The following PKD1 variants were observed in gnomAD, a reference collection of about 807,000 sequenced individuals.
PKD1 encodes polycystin-1.
Under a neutral mutation model 361.7 loss-of-function variants are expected in PKD1, and 81 were observed. The ratio of observed to expected loss-of-function variants is 0.22; its 90% CI spans 0.19 to 0.27. The LOEUF (loss-of-function observed/expected upper bound fraction) is 0.27, where lower values mean the gene tolerates loss of function less well. Among genes scored for constraint, PKD1 ranks in the 10% least tolerant of loss-of-function variants. PKD1 has a pLI of 1.00. For missense variants in PKD1, 6,399 were observed against 6,118.3 expected, an observed-to-expected ratio of 1.05 and a Z score of -1.53; for synonymous variants, 3,615 against 2,818.3, an observed-to-expected ratio of 1.28 and a Z score of -8.95.
In PKD1 at chr16:2,090,603, C is replaced by G. The variant is rs766156519; in HGVS notation, c.12139-13G>C. On this transcript the variant is annotated splice_polypyrimidine_tract_variant and intron_variant, in intron 44 of 45. Coordinates refer to ENST00000262304, the MANE Select transcript of PKD1 (RefSeq NM_001009944.3). ...AGGAAGACACGAGCTGCGGGGAAGG[C>G]GACACCAGTGAGGGCGTACAGCTGA... 1 of 1,607,706 alleles carries G rather than the reference C, an allele frequency of 6.2e-7. No homozygotes were observed. The highest frequency in any genetic ancestry group is 1.3e-5 in the African/African-American group (1 of 74,884).
chr16:2,122,202 G>A (rs529321597), intron 1 of PKD1, among the ~76,000 whole-genome samples: 48 of 152,366 alleles, frequency 3.2e-4, no homozygotes, highest in African/African-American at 1.1e-3. Flanking sequence ...GCCCTCACCT[G>A]GGCTGGGTGC....
In PKD1 at chr16:2,119,303, T is replaced by G. The variant is rs543559059; in HGVS notation, c.287+4A>C. ...GCATGCTGGCACGACTGGGGGACAC[T>G]CACAGCTCTGCCAGCGCCGAGAGGT... On this transcript the variant is annotated splice_donor_region_variant and intron_variant, in intron 2 of 45. Transcript: ENST00000262304. 1.4e-4 allele frequency: 170 copies of G among 1,186,358 alleles called. 1 individual carries two copies. The African/African-American group carries it at 2.3e-3, about 16-fold the overall frequency. The allele number at this position is 1,186,358 out of a possible 1,614,324, so 73.5% of individuals were successfully genotyped here. A position where few individuals can be genotyped will look rare whatever the true frequency, so the allele number is the denominator to read the frequency against.
rs747794812 is a variant in PKD1 at position 2,108,638 on chromosome 16, C to T, written c.6529G>A (p.Asp2177Asn). Reference sequence around the variant, plus strand: ...TACTCAGTCTGGTAGGTGACGCAGTCGCGCAGGTCAACGTGGGCCTCCAAG... The same window carrying T: ...TACTCAGTCTGGTAGGTGACGCAGTTGCGCAGGTCAACGTGGGCCTCCAAG... ...NYLEAHVDLR[D>N]CVTYQTEYRW... is the part of the protein sequence containing the mutation. The change falls in exon 15 of 46, where the codon GAC becomes AAC. Residue 2177 changes from aspartate to asparagine, a missense_variant. Physicochemically the swap from Asp to Asn is conservative, Grantham distance 23. Coordinates refer to ENST00000262304, the MANE Select transcript of PKD1 (RefSeq NM_001009944.3). 18 of 1,561,174 alleles carry T rather than the reference C, an allele frequency of 1.2e-5. No homozygotes were observed. The highest frequency in any genetic ancestry group is 1.1e-4 in the South Asian group (9 of 85,234).
chr16:2,109,503 C>T lies in PKD1; in HGVS notation c.5664G>A (p.Val1888=). The part of the protein sequence containing the change: ...TYNLTAEEPI[V]GLVLWASSKV... ...TGCTGCTGGCCCACAGCACCAGGCCCACGATGGGCTCCTCCGCCGTGAGGT... is the reference window on the plus strand; with the variant it reads ...TGCTGCTGGCCCACAGCACCAGGCCTACGATGGGCTCCTCCGCCGTGAGGT... Residue 1888 remains valine, a synonymous_variant, in exon 15 of 46, where the codon GTG becomes GTA. Transcript: ENST00000262304. 1.2e-6 allele frequency: 2 copies of T among 1,609,976 alleles called. No homozygotes were observed. The highest frequency in any genetic ancestry group is 2.7e-5 in the African/African-American group (2 of 74,976).
rs2369087 is a variant in PKD1 at position 2,106,379 on chromosome 16, C to A, written c.7489+19G>T. ...AGTCGGGGGATCCCGCTGCTCCCCC[C>A]ACGCAGGCCTGCACTCACCCGTGCA... On this transcript the variant is annotated intron_variant, in intron 18 of 45. Coordinates refer to ENST00000262304, the MANE Select transcript of PKD1 (RefSeq NM_001009944.3). The surrounding 1 kb of genome is among the most constrained non-coding windows in gnomAD (Gnocchi z 6.5). 4.4e-6 allele frequency: 7 copies of A among 1,593,744 alleles called. No individual in the cohort carries two copies. The Admixed American group carries it at 8.8e-5, about 20-fold the overall frequency.
chr16:2,096,934 C>T lies in PKD1; in HGVS notation c.10499+214G>A, dbSNP rs2091871885. 5 of 596,070 alleles carry T rather than the reference C, an allele frequency of 8.4e-6. No individual in the cohort carries two copies. The East Asian group carries it at 1.4e-4, about 17-fold the overall frequency. The allele number at this position is 596,070 out of a possible 1,614,324, so 36.9% of individuals were successfully genotyped here. On this transcript the variant is annotated intron_variant, in intron 34 of 45. Coordinates refer to ENST00000262304, the MANE Select transcript of PKD1 (RefSeq NM_001009944.3). ...TTCTGCTCCTACAAAGCCCCATGAG[C>T]CTGCTCCCTCCCTAGAGGGAAGGTT...
rs1370138954 is a variant in PKD1 at position 2,091,921 on chromosome 16, T to A, written c.11412-15A>T. ...AGGACCATGCCCTGCCGGAGAGGGG[T>A]GGCGTGGGTGCCGCACCCCAGCCCT... On this transcript the variant is annotated splice_polypyrimidine_tract_variant and intron_variant, in intron 40 of 45. Coordinates refer to ENST00000262304, the MANE Select transcript of PKD1 (RefSeq NM_001009944.3). 1.2e-6 allele frequency: 2 copies of A among 1,611,322 alleles called. No individual in the cohort carries two copies. The highest frequency in any genetic ancestry group is 4.5e-5 in the East Asian group (2 of 44,870).
rs1233007129 is a variant in PKD1, at chr16:2,100,673, C to G, written c.9398-107G>C. ...GCCTGTGCGCACTCAAGGAGCCACA[C>G]AGGCAGTCCCGGCTTTGCACGGCTC... On this transcript the variant is annotated intron_variant, in intron 26 of 45. Coordinates refer to ENST00000262304, the MANE Select transcript of PKD1 (RefSeq NM_001009944.3). This position sits in a 1 kb window ranked among gnomAD's most constrained non-coding sequence, Gnocchi z 4.4. 1.1e-6 allele frequency: 1 copy of G among 945,114 alleles called. No individual in the cohort carries two copies. Among genetic ancestry groups the G allele is most frequent in the Admixed American group, 1.9e-5 (1 of 51,368 alleles). The allele number at this position is 945,114 out of a possible 1,614,324, so 58.5% of individuals were successfully genotyped here.
intron 26 of PKD1, among the ~76,000 whole-genome samples, chr16:2,101,220 C>G (rs765994543): frequency 3.9e-5 from 6 of 152,060 alleles, no homozygotes; most frequent in Admixed American, 2.0e-4. Context: ...CTCCTGACCC[C>G]GTGATTTGCC....
rs141138826 is a variant in PKD1 at position 2,097,398 on chromosome 16, C to T, written c.10326G>A (p.Ala3442=). ...SNLRQLARGQ[A]GHGLGPEEDG... ...CCTCCTCTGGGCCCAGCCCATGGCC[C>T]GCCTGGCCCCGTGCCAGCTGCCGCA... The change falls in exon 33 of 46, where the codon GCG becomes GCA. Residue 3442 remains alanine (A), a synonymous_variant. Transcript: ENST00000262304. 431 of 1,610,428 alleles carry T rather than the reference C, an allele frequency of 2.7e-4. No homozygotes were observed. The highest frequency in any genetic ancestry group is 2.6e-3 in the African/African-American group (195 of 75,054).
At position 2,104,528 on chromosome 16, in the gene PKD1, C is replaced by T. The variant is rs777518170; in HGVS notation, c.8131G>A (p.Ala2711Thr). The change falls in exon 22 of 46, where the codon GCC becomes ACC. Residue 2711 changes from alanine (A) to threonine (T), a missense_variant. Coordinates refer to ENST00000262304, the MANE Select transcript of PKD1 (RefSeq NM_001009944.3). ...ATGTTGAGGATGCTGTCTCCGATGG[C>T]GGTGGGCGTCACGGTGCCCGCGGTG... ...ETTAGTVTPT[A>T]IGDSILNITG... The T allele has an allele frequency of 2.2e-5, 35 of 1,562,798 alleles. No homozygotes were observed. The highest frequency in any genetic ancestry group is 2.3e-4 in the Middle Eastern group (1 of 4,408).
At chr16:2,094,043 G>A (rs1183433450) in intron 35 of PKD1, 30 bp from the exon 36 acceptor site, 1 of 1,591,322 alleles carries the variant, frequency 6.3e-7, no homozygotes, top group Non-Finnish European at 8.6e-7. Context: ...CCTGTGAGAG[G>A]CAGCTCACAG....
At chr16:2,115,907 C>T (rs1484827521) in intron 9 of PKD1, 85 bp downstream of exon 9, 37 of 1,445,166 alleles carry the variant, frequency 2.6e-5, no homozygotes, top group South Asian at 1.3e-4. Context: ...CTGGTGGCCA[C>T]AGGACCAGCA....
At chr16:2,091,618 A>G in intron 41 of PKD1, 21 bp from the exon 42 acceptor site, 8 of 1,562,384 alleles carry the variant, frequency 5.1e-6, no homozygotes, top group Non-Finnish European at 6.9e-6. Flanking sequence ...GGTGCGGGTC[A>G]GTAGGAGCGG....
chr16:2,106,004 G>A lies in PKD1; in HGVS notation c.7724C>T (p.Pro2575Leu). ...CCCCGTTGCGCTGCCGTTGGGCTCT[G>A]GGAGGGTGATGGCCAAAGACCTACG... ...ALNRSLAITL[P>L]EPNGSATGLT... is the part of the protein sequence containing the mutation. Residue 2575 changes from proline to leucine, a missense_variant, in exon 20 of 46, where the codon CCA becomes CTA. Pro to Leu is a moderately conservative substitution (Grantham distance 98). Transcript: ENST00000262304. This position sits in a 1 kb window ranked among gnomAD's most constrained non-coding sequence, Gnocchi z 6.5. The A allele has an allele frequency of 6.2e-7, 1 of 1,605,506 alleles. No homozygotes were observed. Among genetic ancestry groups the A allele is most frequent in the South Asian group, 1.1e-5 (1 of 90,988 alleles).
At position 2,114,329 on chromosome 16, in the gene PKD1, T is replaced by G. The variant is rs142357713; in HGVS notation, c.2694A>C (p.Ala898=). 31,875 of 1,610,450 alleles carry G rather than the reference T, an allele frequency of 0.02. 380 individuals are homozygous for G. Among genetic ancestry groups the G allele is most frequent in the Non-Finnish European group, 0.024 (28,517 of 1,179,658 alleles). Residue 898 remains alanine, a synonymous_variant, in exon 11 of 46, where the codon GCA becomes GCC. Coordinates refer to ENST00000262304, the MANE Select transcript of PKD1 (RefSeq NM_001009944.3). ...GCTCCCCCTCACTGAGCCACGGCAG[T>G]GCTACCACTGAGAACAGGGTATCGT... The part of the protein sequence containing the change: ...ETNDTLFSVV[A]LPWLSEGEHV...
chr16:2,106,331 G>T lies in PKD1; in HGVS notation c.7490-27C>A, dbSNP rs766086133. 32 of 1,605,138 alleles carry T rather than the reference G, an allele frequency of 2.0e-5. No individual in the cohort carries two copies. In the Admixed American group the frequency reaches 5.0e-4, roughly 25 times the overall value. On this transcript the variant is annotated intron_variant, in intron 18 of 45. Coordinates refer to ENST00000262304, the MANE Select transcript of PKD1 (RefSeq NM_001009944.3). This position sits in a 1 kb window ranked among gnomAD's most constrained non-coding sequence, Gnocchi z 6.5. ...TGAGGGACGGTCCCCACGGCATCAC[G>T]GGAGGGCTCCGTGACGTCACAGAGT...
At position 2,091,483 on chromosome 16, in the gene PKD1, G is replaced by A. The variant is rs377436997; in HGVS notation, c.11652C>T (p.Ser3884=). Residue 3884 remains serine (S), a synonymous_variant, in exon 42 of 46, where the codon AGC becomes AGT. Transcript: ENST00000262304. ...PAAGRALAAL[S]VRPFALRRLS... is the part of the protein sequence containing the mutation. Reference sequence around the variant, plus strand: ...GGCGGCGCAGCGCAAAGGGGCGGACGCTGAGGGCGGCCAGGGCGCGGCCGG... The same window carrying A: ...GGCGGCGCAGCGCAAAGGGGCGGACACTGAGGGCGGCCAGGGCGCGGCCGG... The A allele has an allele frequency of 1.4e-4, 194 of 1,378,046 alleles. 2 individuals carry two copies. The East Asian group carries it at 5.3e-3, about 38-fold the overall frequency. 85.4% of individuals were successfully genotyped at this position (1,378,046 alleles called of 1,614,324 possible). A position where few individuals can be genotyped will look rare whatever the true frequency, so the allele number is the denominator to read the frequency against.
chr16:2,093,872 G>T lies in PKD1; in HGVS notation c.10760C>A (p.Ala3587Glu). Reference sequence around the variant, plus strand: ...GCTGGCGCTGCTGGACAGGAGCCACGCAACACTCACGCCCGGGGGGAAGCT... The same window carrying T: ...GCTGGCGCTGCTGGACAGGAGCCACTCAACACTCACGCCCGGGGGGAAGCT... ...GASFPPGVSV[A>E]WLLSSSASFL... Residue 3587 changes from alanine (A) to glutamate (E), a missense_variant, in exon 36 of 46, where the codon GCG becomes GAG. Coordinates refer to ENST00000262304, the MANE Select transcript of PKD1 (RefSeq NM_001009944.3). 1.3e-6 allele frequency: 2 copies of T among 1,572,398 alleles called. No homozygotes were observed. The highest frequency in any genetic ancestry group is 1.7e-6 in the Non-Finnish European group (2 of 1,164,926).
Sources: gnomAD v4.1 joint callset for allele counts (sites outside exome capture counted in the v4.1 genomes callset) on GRCh38, gnomAD v4.1.1 for gene constraint, Gnocchi (gnomAD v3.1) non-coding constraint, MANE v1.5 for transcripts, NCBI Gene and HGNC (gene_info 2026-07-23, HGNC 2026-07-21) for gene names.